Variants in LRP5 observed in about 807,000 individuals in gnomAD.
LRP5 encodes the protein low-density lipoprotein receptor-related protein 5.
In LRP5, 62 loss-of-function variants were observed where a neutral mutation model predicts 154.1. The observed-to-expected ratio is 0.40, with a 90% CI of 0.33 to 0.50. LRP5 has a LOEUF of 0.50. LRP5 is among the 20% of genes least tolerant of loss of function. LRP5 has a pLI of 0.55. For synonymous variants in LRP5, 966 were observed against 1,011.5 expected, an observed-to-expected ratio of 0.96 and a Z score of 0.85; for missense variants, 1,915 against 2,336.7, an observed-to-expected ratio of 0.82 and a Z score of 3.72.
At chr11:68,407,461 C>T (rs2098656389) in intron 9 of LRP5, among the ~76,000 whole-genome samples, 1 of 151,108 alleles carries the variant, frequency 6.6e-6, no homozygotes, top group South Asian at 2.1e-4. Flanking sequence ...TGTGAGCCAC[C>T]GTTCCCGGCC....
Position 68,334,226 on chromosome 11 carries a change from T to A in LRP5, c.92-13621T>A, listed in dbSNP as rs373798588. Among the ~76,000 whole-genome samples the A allele has an allele frequency of 5.5e-4, 83 of 152,084 alleles. No individual in the cohort carries two copies. The South Asian group carries it at 7.1e-3, about 13-fold the overall frequency. On this transcript the variant is annotated intron_variant, in intron 1 of 22. Coordinates refer to ENST00000294304, the MANE Select transcript of LRP5 (RefSeq NM_002335.4). The stretch of plus-strand genomic sequence containing the variant: ...TCCAGCCTGGGCAACAGAGTAAGAC[T>A]CCATCTCAAACAAATAAATAAGAAA...
intron 21 of LRP5, 62 bp downstream of exon 21, chr11:68,439,978 G>A (rs1357225238): frequency 2.1e-6 from 3 of 1,434,924 alleles, no homozygotes; most frequent in Non-Finnish European, 2.8e-6. Context: ...CCCACCGTCA[G>A]TGCTGGCCAC....
Position 68,399,726 on chromosome 11 carries a change from C to T in LRP5, c.1585-3757C>T, listed in dbSNP as rs950495976. On this transcript the variant is annotated intron_variant, in intron 7 of 22. Transcript: ENST00000294304. Reference sequence around the variant, plus strand: ...TGGAAATATCTGGCTCCAGGAAAGGCAGAGGCCTCCTGAGTCGGCCCAGAG... The same window carrying T: ...TGGAAATATCTGGCTCCAGGAAAGGTAGAGGCCTCCTGAGTCGGCCCAGAG... 4.6e-5 allele frequency among the ~76,000 whole-genome samples: 7 copies of T among 152,218 alleles called. No homozygotes were observed. The South Asian group carries it at 1.4e-3, about 31-fold the overall frequency.
At position 68,363,915 on chromosome 11, in the gene LRP5, G is replaced by T; in HGVS notation, c.855G>T (p.Gln285His). 1.2e-6 allele frequency: 2 copies of T among 1,612,356 alleles called. No individual in the cohort carries two copies. The highest frequency in any genetic ancestry group is 2.2e-5 in the South Asian group (2 of 91,030). ...CCCTCTACTCACCCATGGACATCCA[G>T]GTGCTGAGCCAGGAGCGGCAGCCTT... The part of the protein sequence containing the change: ...LSALYSPMDI[Q>H]VLSQERQPFF... Residue 285 changes from glutamine to histidine, a missense_variant, in exon 4 of 23, where the codon CAG becomes CAT. Around this residue, in one of 3 missense-constraint regions of LRP5, gnomAD observed 773 missense variants for 1,100.9 expected, o/e 0.70. Transcript: ENST00000294304.
chr11:68,302,705 G>T, the LRP5 span, among the ~76,000 whole-genome samples: 1 of 152,210 alleles, frequency 6.6e-6, no homozygotes, highest in East Asian at 1.9e-4. Flanking sequence ...GTGTCCCCTG[G>T]AGATGGGTTG....
At chr11:68,300,724 C>T in the LRP5 span, among the ~76,000 whole-genome samples, 3 of 149,586 alleles carry the variant, frequency 2.0e-5, no homozygotes, top group East Asian at 5.8e-4. Flanking sequence ...TCCAGCTCCT[C>T]TGTCACCGTG....
At chr11:68,436,576 C>T (rs1036579801) in intron 18 of LRP5, among the ~76,000 whole-genome samples, 5 of 152,034 alleles carry the variant, frequency 3.3e-5, no homozygotes, top group Admixed American at 1.3e-4. Flanking sequence ...CCTGGTAGAG[C>T]CTTGGGCGGG....
At chr11:68,437,484 A>G (rs1273040100) in intron 19 of LRP5, among the ~76,000 whole-genome samples, 1 of 152,260 alleles carries the variant, frequency 6.6e-6, no homozygotes, top group Non-Finnish European at 1.5e-5. Flanking sequence ...ATAGGAGGCC[A>G]AGACAGTCAG....
intron 1 of LRP5, among the ~76,000 whole-genome samples, chr11:68,334,793 G>T (rs1040565974): frequency 1.3e-5 from 2 of 152,144 alleles, no homozygotes; most frequent in African/African-American, 4.8e-5. Flanking sequence ...TTGAACCTGG[G>T]AGGCGGAGGT....
chr11:68,299,976 C>A, the LRP5 span, among the ~76,000 whole-genome samples: 1 of 146,956 alleles, frequency 6.8e-6, no homozygotes, highest in Non-Finnish European at 1.5e-5. Flanking sequence ...TGGCTCACTG[C>A]AACCTCTTTC....
chr11:68,393,140 CA>C (rs147042639), intron 7 of LRP5, among the ~76,000 whole-genome samples: 99 of 147,430 alleles, frequency 6.7e-4, no homozygotes, highest in African/African-American at 2.2e-3. Context: ...AAAAAAAAAA[CA>C]AAAAAAAAAG....
the LRP5 span, among the ~76,000 whole-genome samples, chr11:68,303,666 T>C: frequency 6.6e-6 from 1 of 152,156 alleles, no homozygotes; most frequent in Non-Finnish European, 1.5e-5. Flanking sequence ...GCTAATTTTT[T>C]TGTATTTTTA....
intron 5 of LRP5, among the ~76,000 whole-genome samples, chr11:68,367,778 C>T (rs1226802215): frequency 2.6e-5 from 4 of 152,126 alleles, no homozygotes; most frequent in Non-Finnish European, 5.9e-5. Flanking sequence ...AAACAGGCAG[C>T]TCGGGCCGGG....
chr11:68,322,456 C>T (rs1482034001), intron 1 of LRP5, among the ~76,000 whole-genome samples: 5 of 152,248 alleles, frequency 3.3e-5, no homozygotes, highest in African/African-American at 7.2e-5. Flanking sequence ...CTCAGACAGT[C>T]GTGCCCATTC....
chr11:68,404,956 G>A lies in LRP5; in HGVS notation c.1801+1257G>A, dbSNP rs368183314. Among the ~76,000 whole-genome samples the A allele has an allele frequency of 1.5e-4, 20 of 136,912 alleles. No homozygotes were observed. The East Asian group carries it at 3.8e-3, about 26-fold the overall frequency. The allele number at this position is 136,912 out of a possible 152,430, so 89.8% of individuals were successfully genotyped here. A position where few individuals can be genotyped will look rare whatever the true frequency, so the allele number is the denominator to read the frequency against. ...CTGCAGTCCGCAGTCCGGCCTGGGC[G>A]ACAGAGCGAGACTCCGTCTCAAAAA... On this transcript the variant is annotated intron_variant, in intron 8 of 22. Coordinates refer to ENST00000294304, the MANE Select transcript of LRP5 (RefSeq NM_002335.4).
intron 2 of LRP5, among the ~76,000 whole-genome samples, chr11:68,349,014 CAT>C (rs2098616096): frequency 6.8e-6 from 1 of 147,062 alleles, no homozygotes; most frequent in Admixed American, 6.9e-5. Flanking sequence ...CTTGAGATTC[CAT>C]AGTTATGTTC....
intron 5 of LRP5, among the ~76,000 whole-genome samples, chr11:68,385,509 G>T (rs1591260371): frequency 6.6e-6 from 1 of 152,258 alleles, no homozygotes. Context: ...CCGCGGTGCA[G>T]CCCCATCCAA....
intron 1 of LRP5, among the ~76,000 whole-genome samples, chr11:68,325,906 C>T (rs750649065): frequency 1.6e-4 from 24 of 152,206 alleles, no homozygotes; most frequent in East Asian, 1.9e-4. Flanking sequence ...GGCTCAGTGA[C>T]GGTTAGCTGT....
upstream of LRP5, among the ~76,000 whole-genome samples, chr11:68,310,082 T>C (rs1354649158): frequency 6.6e-6 from 1 of 152,206 alleles, no homozygotes; most frequent in Non-Finnish European, 1.5e-5. Context: ...AGAAGAAAGA[T>C]ACGTAAACAT....
Sources: gnomAD v4.1 joint callset for allele counts (sites outside exome capture counted in the v4.1 genomes callset) on GRCh38, gnomAD v4.1.1 for gene constraint, gnomAD v4.1.1 regional missense constraint, MANE v1.5 for transcripts, NCBI Gene and HGNC (gene_info 2026-07-23, HGNC 2026-07-21) for gene names.